The following NR3C2 variants were observed in gnomAD, a reference collection of about 807,000 sequenced individuals.
NR3C2 encodes the protein nuclear receptor subfamily 3 group C member 2, also known as mineralocorticoid receptor.
A neutral mutation model predicts 86.4 loss-of-function variants in NR3C2; 15 were observed. That is an observed-to-expected ratio of 0.17 (90% CI 0.12 to 0.27). The LOEUF (loss-of-function observed/expected upper bound fraction) is 0.27. NR3C2 is among the 10% of genes least tolerant of loss of function. The probability of loss-of-function intolerance (pLI) is 1.00; values close to 1 mark genes in which losing one functional copy is unlikely to be tolerated. For missense variants in NR3C2, 960 were observed against 1,195.6 expected, an observed-to-expected ratio of 0.80 and a Z score of 2.91; for synonymous variants, 458 against 450.5, an observed-to-expected ratio of 1.02 and a Z score of -0.21.
intron 2 of NR3C2, among the ~76,000 whole-genome samples, chr4:148,369,309 A>G (rs900121919): frequency 6.6e-6 from 1 of 152,222 alleles, no homozygotes; most frequent in African/African-American, 2.4e-5. Flanking sequence ...TGTTTCTTAA[A>G]GTACCCATAA....
chr4:148,120,455 T>C (rs866019294), intron 6 of NR3C2, among the ~76,000 whole-genome samples, 167 bp from the exon 7 acceptor site: 1 of 152,250 alleles, frequency 6.6e-6, no homozygotes, highest in African/African-American at 2.4e-5. Context: ...TCATAGTGAC[T>C]GGTAAATTGC....
intron 2 of NR3C2, among the ~76,000 whole-genome samples, chr4:148,389,266 TA>T (rs1747419890): frequency 6.6e-6 from 1 of 150,858 alleles, no homozygotes; most frequent in South Asian, 2.1e-4. Context: ...AAAACAAAAA[TA>T]AAAAAAAGGG....
chr4:148,171,112 G>C (rs72653838), intron 4 of NR3C2, among the ~76,000 whole-genome samples: 216 of 152,332 alleles, frequency 1.4e-3, no homozygotes, highest in African/African-American at 5.0e-3. Flanking sequence ...ACAGAACAGG[G>C]CTTCCCCTAA....
At chr4:148,156,327 C>G (rs1271879046) in intron 4 of NR3C2, among the ~76,000 whole-genome samples, 1 of 152,110 alleles carries the variant, frequency 6.6e-6, no homozygotes, top group Non-Finnish European at 1.5e-5. Context: ...GAACAGGCAA[C>G]CTACAAAATG....
At chr4:148,443,697 C>T (rs1750463489), upstream of NR3C2, among the ~76,000 whole-genome samples, 1 of 152,226 alleles carries the variant, frequency 6.6e-6, no homozygotes. Context: ...TAAATCTGGT[C>T]CCCCGGCCCT....
intron 4 of NR3C2, among the ~76,000 whole-genome samples, chr4:148,162,609 C>T (rs906412608): frequency 4.6e-5 from 7 of 152,170 alleles, no homozygotes; most frequent in Non-Finnish European, 1.0e-4. Context: ...GCTTCTGGAG[C>T]TTTCTTGTGC....
chr4:148,101,167 C>T (rs1578881937), intron 8 of NR3C2, among the ~76,000 whole-genome samples: 1 of 152,244 alleles, frequency 6.6e-6, no homozygotes, highest in Middle Eastern at 3.4e-3. Flanking sequence ...GTGTATTTTA[C>T]AATTAAAAAT....
Position 148,220,462 on chromosome 4 carries a change from C to A in NR3C2, c.1898-25600G>T, listed in dbSNP as rs74906499. On this transcript the variant is annotated intron_variant, in intron 3 of 8. Transcript: ENST00000358102. The stretch of plus-strand genomic sequence containing the variant: ...CTTAAGAACAACAGAGGGAGAGAAA[C>A]CATAAGTTAAGGAAATAGTGGACTG... Among the ~76,000 whole-genome samples the A allele has an allele frequency of 5.6e-3, 851 of 152,152 alleles. 5 individuals are homozygous for A. Among genetic ancestry groups the A allele is most frequent in the African/African-American group, 0.019 (785 of 41,498 alleles).
At chr4:148,374,142 A>G (rs1579221282) in intron 2 of NR3C2, among the ~76,000 whole-genome samples, 1 of 152,340 alleles carries the variant, frequency 6.6e-6, no homozygotes, top group Non-Finnish European at 1.5e-5. Context: ...ATGATATCAA[A>G]TAACAATAGC....
intron 7 of NR3C2, among the ~76,000 whole-genome samples, chr4:148,115,002 T>C (rs1486877261): frequency 1.3e-5 from 2 of 152,190 alleles, no homozygotes; most frequent in Admixed American, 6.5e-5. Flanking sequence ...CTCTGAGGTA[T>C]TGGCAAGTTA....
intron 6 of NR3C2, among the ~76,000 whole-genome samples, chr4:148,143,743 C>T (rs866978416): frequency 5.3e-5 from 8 of 151,958 alleles, no homozygotes; most frequent in South Asian, 2.1e-4. Flanking sequence ...GTCAGGAGTT[C>T]GAGACCAGCC....
intron 8 of NR3C2, among the ~76,000 whole-genome samples, chr4:148,092,414 C>T (rs560107098): frequency 1.6e-4 from 24 of 152,268 alleles, no homozygotes; most frequent in South Asian, 4.1e-4. Flanking sequence ...TTATTCCCCA[C>T]GGCTCCCAGA....
At chr4:148,142,277 C>T (rs1578932006) in intron 6 of NR3C2, among the ~76,000 whole-genome samples, 1 of 152,142 alleles carries the variant, frequency 6.6e-6, no homozygotes, top group Non-Finnish European at 1.5e-5. Flanking sequence ...CACACTAATG[C>T]GGGCAGGAGC....
rs116060771 is a variant in NR3C2 at position 148,302,565 on chromosome 4, C to T, written c.1758-42448G>A. On this transcript the variant is annotated intron_variant, in intron 2 of 8. Coordinates refer to ENST00000358102, the MANE Select transcript of NR3C2 (RefSeq NM_000901.5). ...TGCAATAGGACACAACTGGAGAAAC[C>T]AGTTGTTTTACTAAGGCTTTGACTG... is the stretch of plus-strand genomic sequence containing the variant. Among the ~76,000 whole-genome samples the T allele has an allele frequency of 2.4e-3, 360 of 152,186 alleles. 1 individual carries two copies. The highest frequency in any genetic ancestry group is 4.5e-3 in the Non-Finnish European group (303 of 68,012).
intron 6 of NR3C2, among the ~76,000 whole-genome samples, chr4:148,143,803 C>T (rs967651998): frequency 1.3e-5 from 2 of 151,986 alleles, no homozygotes; most frequent in Non-Finnish European, 2.9e-5. Flanking sequence ...CAAAATTAAC[C>T]AGGTGTGGTG....
intron 2 of NR3C2, among the ~76,000 whole-genome samples, chr4:148,411,606 C>T (rs559157636): frequency 2.0e-5 from 3 of 152,272 alleles, no homozygotes; most frequent in South Asian, 4.1e-4. Flanking sequence ...TTGCTCGACA[C>T]TGGTTTTTCT....
At position 148,081,544 on chromosome 4, in the gene NR3C2, G is replaced by C. The variant is rs750786464; in HGVS notation, c.2800-45C>G. ...GGCATGACACGGGGGCCTCCTTTCCGACCCTGGATCCCTCTGCCTTCTGAC... is the reference window on the plus strand; with the variant it reads ...GGCATGACACGGGGGCCTCCTTTCCCACCCTGGATCCCTCTGCCTTCTGAC... On this transcript the variant is annotated intron_variant, in intron 8 of 8. Coordinates refer to ENST00000358102, the MANE Select transcript of NR3C2 (RefSeq NM_000901.5). 5 of 1,612,950 alleles carry C rather than the reference G, an allele frequency of 3.1e-6. No individual in the cohort carries two copies. The East Asian group carries it at 6.7e-5, about 22-fold the overall frequency.
At chr4:148,313,768 T>C (rs1422255380) in intron 2 of NR3C2, among the ~76,000 whole-genome samples, 1 of 152,208 alleles carries the variant, frequency 6.6e-6, no homozygotes, top group Admixed American at 6.5e-5. Flanking sequence ...GCTTTCTTCC[T>C]GCTGTATGTC....
intron 4 of NR3C2, among the ~76,000 whole-genome samples, chr4:148,166,471 C>T (rs1194489474): frequency 6.6e-6 from 1 of 152,194 alleles, no homozygotes; most frequent in Non-Finnish European, 1.5e-5. Context: ...TATTCTGCCG[C>T]AGTGTAAATT....
Sources: allele counts gnomAD v4.1 joint callset (sites outside exome capture counted in the v4.1 genomes callset), GRCh38; gene constraint gnomAD v4.1.1; transcripts MANE v1.5; gene names NCBI Gene and HGNC (gene_info 2026-07-23, HGNC 2026-07-21).